The following GLI3 variants were observed in gnomAD, a reference collection of about 807,000 sequenced individuals.
GLI3 encodes transcription activator GLI3.
In GLI3, 20 loss-of-function variants were observed where a neutral mutation model predicts 100.8. That is an observed-to-expected ratio of 0.20 (90% CI 0.14 to 0.29). The LOEUF is 0.29. GLI3 is among the 10% of genes least tolerant of loss of function. GLI3 has a pLI of 1.00. For missense variants in GLI3, 2,040 were observed against 2,128.5 expected (o/e 0.96, Z 0.82); for synonymous variants, 938 against 860.5 (o/e 1.09, Z -1.58).
chr7:42,028,910 G>C (rs747345184), intron 7 of GLI3, among the ~76,000 whole-genome samples: 13 of 152,132 alleles, frequency 8.5e-5, no homozygotes, highest in Non-Finnish European at 1.6e-4. Context: ...CGGGGAGCAG[G>C]GGTAGGGGTT....
intron 2 of GLI3, among the ~76,000 whole-genome samples, chr7:42,200,633 A>G (rs889420607): frequency 1.3e-5 from 2 of 152,082 alleles, no homozygotes; most frequent in Non-Finnish European, 2.9e-5. Context: ...GCCAGCAAAA[A>G]CAGTTTTCTT....
At chr7:42,093,883 C>T (rs1785281108) in intron 3 of GLI3, among the ~76,000 whole-genome samples, 1 of 152,046 alleles carries the variant, frequency 6.6e-6, no homozygotes, top group South Asian at 2.1e-4. Flanking sequence ...AAGTGAAAAT[C>T]AGGAAAGGGC....
At chr7:42,257,044 T>C (rs1320743147) in intron 1 of GLI3, among the ~76,000 whole-genome samples, 1 of 152,162 alleles carries the variant, frequency 6.6e-6, no homozygotes, top group East Asian at 1.9e-4. Context: ...CTATTTTGAA[T>C]TCAATTTTTT....
chr7:42,079,208 C>T (rs916012597), intron 3 of GLI3, among the ~76,000 whole-genome samples: 13 of 152,208 alleles, frequency 8.5e-5, no homozygotes, highest in Non-Finnish European at 1.5e-4. Flanking sequence ...ATGTTGGCAC[C>T]TTCATTGCTG....
At chr7:42,255,019 C>A (rs562146246) in intron 1 of GLI3, among the ~76,000 whole-genome samples, 1 of 152,050 alleles carries the variant, frequency 6.6e-6, no homozygotes, top group South Asian at 2.1e-4. Context: ...TCCATCTGCT[C>A]TTTGTGTTTC....
At chr7:41,968,120 G>A (rs1787239593) in intron 13 of GLI3, among the ~76,000 whole-genome samples, 197 bp from the exon 14 acceptor site, 1 of 152,214 alleles carries the variant, frequency 6.6e-6, no homozygotes, top group Non-Finnish European at 1.5e-5. Context: ...ATGGGCAACA[G>A]GAGGCAATGG....
upstream of GLI3, among the ~76,000 whole-genome samples, chr7:42,237,317 A>T (rs1482031024): frequency 6.6e-6 from 1 of 151,606 alleles, no homozygotes; most frequent in Non-Finnish European, 1.5e-5. Flanking sequence ...ACAAGCCCTG[A>T]GTGACAGTTC....
rs1311212590 is a variant in GLI3 at position 41,968,748 on chromosome 7, GA to G, written c.2104-826del. On this transcript the variant is annotated intron_variant, in intron 13 of 14. Coordinates refer to ENST00000395925, the MANE Select transcript of GLI3 (RefSeq NM_000168.6). ...AGAAAGAAAGAAAGAAAGAAAGAAA[GA>G]AAGAAAGAAAGAAGGAAAGAAAGAA... 6.4e-4 allele frequency among the ~76,000 whole-genome samples: 78 copies of G among 122,170 alleles called. 1 individual carries two copies. Among genetic ancestry groups the G allele is most frequent in the South Asian group, 1.3e-3 (5 of 3,878 alleles). 80.1% of individuals were successfully genotyped at this position (122,170 alleles called of 152,430 possible).
At chr7:41,989,988 A>AC (rs1787937914) in intron 10 of GLI3, among the ~76,000 whole-genome samples, 2 of 93,744 alleles carry the variant, frequency 2.1e-5, no homozygotes, top group African/African-American at 1.9e-4. Flanking sequence ...CTCTGTCTCC[A>AC]AAAAAAAAAA....
intron 10 of GLI3, among the ~76,000 whole-genome samples, chr7:42,016,706 T>C (rs1029558169): frequency 5.3e-5 from 8 of 151,522 alleles, no homozygotes; most frequent in South Asian, 2.1e-4. Context: ...ATCACCACCA[T>C]CATCATCATC....
At chr7:42,261,325 T>C (rs1789137833) in intron 1 of GLI3, among the ~76,000 whole-genome samples, 1 of 152,036 alleles carries the variant, frequency 6.6e-6, no homozygotes. Flanking sequence ...CACCAAACCA[T>C]GAGGGACCCA....
At chr7:42,008,844 G>A (rs1320332655) in intron 10 of GLI3, among the ~76,000 whole-genome samples, 2 of 152,116 alleles carry the variant, frequency 1.3e-5, no homozygotes, top group Non-Finnish European at 2.9e-5. Context: ...TTGATTAAAG[G>A]TCCTATGTTG....
intron 2 of GLI3, among the ~76,000 whole-genome samples, chr7:42,154,784 G>A (rs1380894123): frequency 6.6e-6 from 1 of 152,170 alleles, no homozygotes; most frequent in Non-Finnish European, 1.5e-5. Flanking sequence ...CCAAAGCCAG[G>A]GGCTGCTCCC....
intron 2 of GLI3, among the ~76,000 whole-genome samples, chr7:42,194,643 C>G (rs1787890694): frequency 6.6e-6 from 1 of 152,122 alleles, no homozygotes; most frequent in Non-Finnish European, 1.5e-5. Flanking sequence ...CCATGAAGCC[C>G]TAGCTAGAGA....
At chr7:42,075,508 A>G (rs1784862359) in intron 4 of GLI3, among the ~76,000 whole-genome samples, 1 of 152,250 alleles carries the variant, frequency 6.6e-6, no homozygotes, top group African/African-American at 2.4e-5. Context: ...CTTTGTATAG[A>G]GAATTTTAAA....
intron 7 of GLI3, among the ~76,000 whole-genome samples, chr7:42,030,150 G>A (rs1019498781): frequency 5.3e-5 from 8 of 152,096 alleles, no homozygotes; most frequent in African/African-American, 1.9e-4. Context: ...CCTGGAGGCT[G>A]CCCACATTCC....
At chr7:42,209,563 C>T (rs1020599595) in intron 2 of GLI3, among the ~76,000 whole-genome samples, 3 of 152,160 alleles carry the variant, frequency 2.0e-5, no homozygotes, top group Non-Finnish European at 2.9e-5. Flanking sequence ...ATTTAACATT[C>T]TGCAAAATTC....
At position 42,076,817 on chromosome 7, in the gene GLI3, T is replaced by A. The variant is rs200907753; in HGVS notation, c.408A>T (p.Pro136=). Residue 136 remains proline, a synonymous_variant, in exon 4 of 15, where the codon CCA becomes CCT. Coordinates refer to ENST00000395925, the MANE Select transcript of GLI3 (RefSeq NM_000168.6). ...GGCCCTCATGATGTCTGGCATCAAT[T>A]GGTACAGGAGGATGGAAGGCAGGGA... is the stretch of plus-strand genomic sequence containing the variant. ...HLFPAFHPPV[P]IDARHHEGRY... 1 of 1,613,402 alleles carries A rather than the reference T, an allele frequency of 6.2e-7. No individual in the cohort carries two copies. Among genetic ancestry groups the A allele is most frequent in the African/African-American group, 1.3e-5 (1 of 75,006 alleles).
intron 3 of GLI3, among the ~76,000 whole-genome samples, chr7:42,088,013 T>C (rs936135545): frequency 2.0e-5 from 3 of 152,148 alleles, no homozygotes; most frequent in Non-Finnish European, 4.4e-5. Context: ...AAGGAAATGA[T>C]AGAAAAGGGA....
Sources: gnomAD v4.1 joint callset for allele counts (sites outside exome capture counted in the v4.1 genomes callset) on GRCh38, gnomAD v4.1.1 for gene constraint, MANE v1.5 for transcripts, NCBI Gene and HGNC (gene_info 2026-07-23, HGNC 2026-07-21) for gene names.